Variants in PRAC2 observed in about 807,000 individuals in gnomAD.
PRAC2 encodes protein PRAC2.
For missense variants in PRAC2, 92 were observed against 114.5 expected (o/e 0.80, Z 0.90); for synonymous variants, 43 against 49.5 (o/e 0.87, Z 0.55).
chr17:48,721,620 T>C, upstream of PRAC2: 1 of 511,812 alleles, frequency 2.0e-6, no homozygotes. Flanking sequence ...CCACTATGCC[T>C]GGCCCGTTTT....
chr17:48,722,721 A>T (rs2038158917), upstream of PRAC2, among the ~76,000 whole-genome samples: 1 of 151,892 alleles, frequency 6.6e-6, no homozygotes. Context: ...TCCTCCCCTG[A>T]TTGGCTTCCT....
At chr17:48,721,436 G>A (rs1483651333), upstream of PRAC2, among the ~76,000 whole-genome samples, 1 of 152,126 alleles carries the variant, frequency 6.6e-6, no homozygotes, top group Admixed American at 6.5e-5. Flanking sequence ...AGCAATTCTT[G>A]TGCTTCAGCC....
upstream of PRAC2, among the ~76,000 whole-genome samples, chr17:48,720,320 G>T (rs565878571): frequency 2.0e-5 from 3 of 152,334 alleles, no homozygotes; most frequent in Admixed American, 2.0e-4. Context: ...AGCTCACCCG[G>T]AGTAAGGATC....
upstream of PRAC2, chr17:48,722,582 C>T (rs188219832): frequency 1.7e-6 from 1 of 581,082 alleles, no homozygotes; most frequent in East Asian, 2.9e-5. Context: ...AGTAAGAAGG[C>T]CTGCGGTTGG....
At position 48,724,723 on chromosome 17, in the gene PRAC2, C is replaced by A. The variant is rs2038187704; in HGVS notation, c.*40C>A. The A allele has an allele frequency of 2.9e-6, 3 of 1,026,708 alleles. No individual in the cohort carries two copies. The highest frequency in any genetic ancestry group is 9.9e-5 in the South Asian group (2 of 20,188). 63.6% of individuals were successfully genotyped at this position (1,026,708 alleles called of 1,614,324 possible). A position where few individuals can be genotyped will look rare whatever the true frequency, so the allele number is the denominator to read the frequency against. ...GGGGCGCCCACGTCTTTTTAATGGT[C>A]CTAACACACCAGTGGAATAAATCTC... On this transcript the variant is annotated 3_prime_UTR_variant, in exon 2 of 2. Transcript: ENST00000422730.
chr17:48,721,215 C>T (rs958271462), upstream of PRAC2, among the ~76,000 whole-genome samples: 4 of 152,150 alleles, frequency 2.6e-5, no homozygotes, highest in African/African-American at 9.7e-5. Flanking sequence ...AGCCCCTGTG[C>T]GCACACATGC....
chr17:48,718,675 G>T (rs1267012838), upstream of PRAC2, among the ~76,000 whole-genome samples: 1 of 152,098 alleles, frequency 6.6e-6, no homozygotes, highest in Non-Finnish European at 1.5e-5. Flanking sequence ...TGACCCAGGC[G>T]CCCACGCCTC....
At chr17:48,720,472 A>G (rs1334495748), upstream of PRAC2, among the ~76,000 whole-genome samples, 2 of 152,012 alleles carry the variant, frequency 1.3e-5, no homozygotes, top group Non-Finnish European at 2.9e-5. Flanking sequence ...GTGTGTGTGT[A>G]TCTTTCTCTT....
upstream of PRAC2, chr17:48,721,926 T>C (rs1326169195): frequency 1.3e-6 from 2 of 1,489,042 alleles, no homozygotes; most frequent in Non-Finnish European, 1.8e-6. Context: ...TATTTACAAA[T>C]TTTAAATAAT....
At chr17:48,721,213 T>A (rs924148570), upstream of PRAC2, among the ~76,000 whole-genome samples, 1 of 152,188 alleles carries the variant, frequency 6.6e-6, no homozygotes, top group Non-Finnish European at 1.5e-5. Flanking sequence ...AGAGCCCCTG[T>A]GCGCACACAT....
At chr17:48,718,699 TCAGA>T (rs1211030392), upstream of PRAC2, among the ~76,000 whole-genome samples, 1 of 151,906 alleles carries the variant, frequency 6.6e-6, no homozygotes, top group Non-Finnish European at 1.5e-5. Context: ...TCCCCGAAGG[TCAGA>T]CAAAGGCAGA....
chr17:48,722,180 T>A, upstream of PRAC2: 1 of 768,374 alleles, frequency 1.3e-6, no homozygotes, highest in Non-Finnish European at 2.1e-6. Flanking sequence ...GGTGAAAGCC[T>A]GCTGCTCACC....
chr17:48,724,640 C>G lies in PRAC2; in HGVS notation c.230C>G (p.Pro77Arg), dbSNP rs926251338. ...EAPGRWKPVAPRTMKACPQVL... is the reference protein window; with the variant it reads ...EAPGRWKPVARRTMKACPQVL... ...CCAGGCCGCTGGAAGCCTGTAGCTCCGCGGACGATGAAAGCCTGCCCGCAG... is the reference window on the plus strand; with the variant it reads ...CCAGGCCGCTGGAAGCCTGTAGCTCGGCGGACGATGAAAGCCTGCCCGCAG... Residue 77 changes from proline to arginine, a missense_variant, in exon 2 of 2, where the codon CCG (proline) becomes CGG (arginine). Coordinates refer to ENST00000422730, the MANE Select transcript of PRAC2 (RefSeq NM_001282275.2). The G allele has an allele frequency of 3.1e-5, 38 of 1,232,068 alleles. No individual in the cohort carries two copies. Among genetic ancestry groups the G allele is most frequent in the Non-Finnish European group, 3.8e-5 (38 of 988,008 alleles). The allele number at this position is 1,232,068 out of a possible 1,614,324, so 76.3% of individuals were successfully genotyped here. A position where few individuals can be genotyped will look rare whatever the true frequency, so the allele number is the denominator to read the frequency against.
upstream of PRAC2, chr17:48,722,526 C>T (rs2038157191): frequency 1.3e-6 from 1 of 745,908 alleles, no homozygotes; most frequent in African/African-American, 1.7e-5. Flanking sequence ...AGGACGGGAG[C>T]ACAGCACTGG....
chr17:48,721,970 A>C, upstream of PRAC2: 1 of 1,411,194 alleles, frequency 7.1e-7, no homozygotes, highest in Non-Finnish European at 9.4e-7. Context: ...TGCTTATGCC[A>C]GGACTCCATC....
At chr17:48,721,772 T>A (rs2038147240), upstream of PRAC2, 2 of 1,481,946 alleles carry the variant, frequency 1.3e-6, no homozygotes, top group Non-Finnish European at 1.8e-6. Flanking sequence ...TCTTGCTACA[T>A]TGCCCAGGCT....
chr17:48,722,007 T>C, upstream of PRAC2: 2 of 1,246,342 alleles, frequency 1.6e-6, no homozygotes, highest in Non-Finnish European at 2.2e-6. Flanking sequence ...TTAAGTCTTA[T>C]GGCAGACCTT....
chr17:48,719,862 G>A (rs961078787), upstream of PRAC2, among the ~76,000 whole-genome samples: 3 of 152,122 alleles, frequency 2.0e-5, no homozygotes, highest in African/African-American at 7.2e-5. Flanking sequence ...CCGGTTTCTC[G>A]CGTTTCGGGT....
chr17:48,722,114 G>C (rs973235745), upstream of PRAC2, among the ~76,000 whole-genome samples: 2 of 152,066 alleles, frequency 1.3e-5, no homozygotes, highest in Non-Finnish European at 2.9e-5. Flanking sequence ...TTTCTGCCCA[G>C]GGCGGCTGCC....
Sources: gnomAD v4.1 joint callset for allele counts (sites outside exome capture counted in the v4.1 genomes callset) on GRCh38, gnomAD v4.1.1 for gene constraint, MANE v1.5 for transcripts, NCBI Gene and HGNC (gene_info 2026-07-23, HGNC 2026-07-21) for gene names.